The following KYAT3 variants were observed in gnomAD, a reference collection of about 807,000 sequenced individuals.
KYAT3 encodes the protein kynurenine--oxoglutarate transaminase 3.
A neutral mutation model predicts 59.0 loss-of-function variants in KYAT3; 50 were observed. The observed-to-expected ratio is 0.85, with a 90% CI of 0.68 to 1.07. The LOEUF (loss-of-function observed/expected upper bound fraction) is 1.07. Among genes scored for constraint, KYAT3 ranks in the 50% least tolerant of loss-of-function variants. KYAT3 has a pLI of 0.00. For synonymous variants in KYAT3, 148 were observed against 177.0 expected (o/e 0.84, Z 1.30); for missense variants, 497 against 533.3 (o/e 0.93, Z 0.67).
At chr1:88,925,477 C>T in the KYAT3 span, among the ~76,000 whole-genome samples, 1 of 152,182 alleles carries the variant, frequency 6.6e-6, no homozygotes, top group East Asian at 1.9e-4. Flanking sequence ...TAAGGAAGCT[C>T]TACGCTGTGT....
Position 88,964,864 on chromosome 1 carries a change from TA to T in KYAT3, c.417del (p.Phe139LeufsTer7). The T allele has an allele frequency of 1.2e-6, 2 of 1,603,320 alleles. No individual in the cohort carries two copies. Among genetic ancestry groups the T allele is most frequent in the Non-Finnish European group, 1.7e-6 (2 of 1,176,878 alleles). On this transcript the variant is annotated frameshift_variant, in exon 5 of 14. Coordinates refer to ENST00000260508, the MANE Select transcript of KYAT3 (RefSeq NM_001008661.3). LOFTEE classifies it high-confidence loss of function. ...LVTVGAYGSL[F>X]NTIQALIDEG... The stretch of plus-strand genomic sequence containing the variant: ...TCATCAATTAATGCTTGAATGGTGT[TA>T]AAAAGAGATCCATATGCTCCTACTG...
At chr1:88,966,113 C>A (rs1371257924) in intron 4 of KYAT3, among the ~76,000 whole-genome samples, 2 of 152,132 alleles carry the variant, frequency 1.3e-5, no homozygotes, top group African/African-American at 4.8e-5. Context: ...ATGTCCACAG[C>A]CTGGTGATAG....
intron 5 of KYAT3, 43 bp downstream of exon 5, chr1:88,964,786 T>C: frequency 1.4e-6 from 2 of 1,404,874 alleles, no homozygotes; most frequent in Non-Finnish European, 2.0e-6. Flanking sequence ...GGACAAATGA[T>C]AATTGATTAA....
At chr1:88,956,522 A>T (rs1223038580) in intron 8 of KYAT3, among the ~76,000 whole-genome samples, 4 of 152,226 alleles carry the variant, frequency 2.6e-5, no homozygotes, top group South Asian at 2.1e-4. Flanking sequence ...TCTTCAAAAA[A>T]TTTAATGTCT....
At position 88,949,233 on chromosome 1, in the gene KYAT3, A is replaced by G; in HGVS notation, c.999T>C (p.Asp333=). The change falls in exon 11 of 14, where the codon GAT becomes GAC. Residue 333 remains aspartate (D), a synonymous_variant. Transcript: ENST00000260508. The stretch of plus-strand genomic sequence containing the variant: ...AAGAATTAAAGTAACATTCTGGGTC[A>G]TCCATGCGCTTGATGTCAATCCAGA... ...QAFWIDIKRM[D]DPECYFNSLP... is the part of the protein sequence containing the mutation. The G allele has an allele frequency of 6.3e-7, 1 of 1,598,368 alleles. No individual in the cohort carries two copies. Among genetic ancestry groups the G allele is most frequent in the Non-Finnish European group, 8.5e-7 (1 of 1,174,962 alleles).
chr1:88,977,451 C>T (rs934555321), intron 2 of KYAT3, among the ~76,000 whole-genome samples: 6 of 152,164 alleles, frequency 3.9e-5, no homozygotes, highest in Admixed American at 2.0e-4. Context: ...ATCTGCCCTA[C>T]TCGGCCTCCC....
At chr1:88,936,286 A>G (rs1675035775) in intron 13 of KYAT3, 41 bp from the exon 14 acceptor site, 1 of 1,350,838 alleles carries the variant, frequency 7.4e-7, no homozygotes, top group African/African-American at 1.4e-5. Flanking sequence ...ACAGATATAC[A>G]TAAATTCAAG....
At chr1:88,922,317 C>T in the KYAT3 span, among the ~76,000 whole-genome samples, 1 of 152,108 alleles carries the variant, frequency 6.6e-6, no homozygotes, top group Admixed American at 6.5e-5. Context: ...GTAGTATAGG[C>T]CCTGATGAGG....
downstream of KYAT3, among the ~76,000 whole-genome samples, chr1:88,932,525 G>GC (rs1425554486): frequency 2.6e-5 from 4 of 152,100 alleles, no homozygotes; most frequent in African/African-American, 9.7e-5. Flanking sequence ...ACAGGGTCTT[G>GC]CTTTGTTGCC....
intron 2 of KYAT3, chr1:88,982,349 A>G (rs1018084377): frequency 1.4e-6 from 1 of 736,164 alleles, no homozygotes; most frequent in Non-Finnish European, 1.8e-6. Flanking sequence ...TTACTGGGAA[A>G]AACCAGATAG....
In KYAT3 at chr1:88,943,073, C is replaced by T. The variant is rs145574653; in HGVS notation, c.1234G>A (p.Val412Ile). The change falls in exon 13 of 14, where the codon GTT becomes ATT. Residue 412 changes from valine to isoleucine, a missense_variant. Physicochemically the swap from Val to Ile is conservative, Grantham distance 29 (BLOSUM62 3). This residue lies in a region of KYAT3 where 28 missense variants were observed against 54.2 expected (regional missense o/e 0.52). Transcript: ENST00000260508. ...GTCTCTGAGTTACAGAATGCTGAAA[C>T]GGGGATGGCTGATAGTTTCTGAAAA... is the stretch of plus-strand genomic sequence containing the variant. ...TKHKKLSAIP[V>I]SAFCNSETKS... The T allele has an allele frequency of 1.9e-4, 313 of 1,611,494 alleles. No individual in the cohort carries two copies. Among genetic ancestry groups the T allele is most frequent in the South Asian group, 2.9e-4 (26 of 90,708 alleles).
At chr1:88,943,198 T>C in intron 12 of KYAT3, 107 bp from the exon 13 acceptor site, 1 of 1,078,068 alleles carries the variant, frequency 9.3e-7, no homozygotes, top group Non-Finnish European at 1.4e-6. Context: ...ATAGTCACAA[T>C]AATTTCCAAA....
At chr1:88,959,924 C>T (rs954229510) in intron 8 of KYAT3, among the ~76,000 whole-genome samples, 24 of 149,808 alleles carry the variant, frequency 1.6e-4, no homozygotes, top group Admixed American at 3.3e-4. Context: ...AAAAATTAGC[C>T]GGGTATGGTG....
chr1:88,944,279 TCTTA>T (rs1296970092), intron 11 of KYAT3, among the ~76,000 whole-genome samples: 3 of 152,202 alleles, frequency 2.0e-5, no homozygotes, highest in Non-Finnish European at 4.4e-5. Context: ...GAGGCAGATA[TCTTA>T]CTTCTTTCTT....
At chr1:88,931,122 C>A (rs1361656960), downstream of KYAT3, among the ~76,000 whole-genome samples, 7 of 151,944 alleles carry the variant, frequency 4.6e-5, no homozygotes, top group African/African-American at 1.7e-4. Context: ...TACTTAAAAC[C>A]CTTCACCAAA....
At chr1:88,958,612 G>C (rs955401134) in intron 8 of KYAT3, among the ~76,000 whole-genome samples, 3 of 152,184 alleles carry the variant, frequency 2.0e-5, no homozygotes, top group Admixed American at 6.5e-5. Flanking sequence ...TTATCTGATA[G>C]TGGATGCTCC....
At chr1:88,981,889 T>C in intron 2 of KYAT3, 1 of 838,242 alleles carries the variant, frequency 1.2e-6, no homozygotes, top group Non-Finnish European at 1.4e-6. Context: ...GCAATCAAGC[T>C]GTTCCTTTAA....
intron 4 of KYAT3, among the ~76,000 whole-genome samples, chr1:88,966,891 A>G (rs979803539): frequency 6.6e-6 from 1 of 152,116 alleles, no homozygotes; most frequent in African/African-American, 2.4e-5. Flanking sequence ...AACTTTTATT[A>G]TAAATGAGGG....
chr1:88,964,587 A>T, intron 5 of KYAT3: 1 of 417,900 alleles, frequency 2.4e-6, no homozygotes. Context: ...GAAGAGGAAC[A>T]AAGAAGTTTT....
Sources: allele counts gnomAD v4.1 joint callset (sites outside exome capture counted in the v4.1 genomes callset), GRCh38; gene constraint gnomAD v4.1.1; regional missense constraint gnomAD v4.1.1; transcripts MANE v1.5; gene names NCBI Gene and HGNC (gene_info 2026-07-23, HGNC 2026-07-21).